The following NTN4 variants were observed in gnomAD, a reference collection of about 807,000 sequenced individuals.
The protein encoded by NTN4 is netrin-4.
Under a neutral mutation model 73.6 loss-of-function variants are expected in NTN4, and 32 were observed. The ratio of observed to expected loss-of-function variants is 0.44; its 90% confidence interval spans 0.33 to 0.58. NTN4 has a LOEUF of 0.58. Among genes scored for constraint, NTN4 ranks in the 20% least tolerant of loss-of-function variants. The probability of loss-of-function intolerance (pLI) is 0.04; values close to 1 mark genes in which losing one functional copy is unlikely to be tolerated. For synonymous variants in NTN4, 258 were observed against 287.5 expected (o/e 0.90, Z 1.04); for missense variants, 654 against 798.3 (o/e 0.82, Z 2.18).
intron 2 of NTN4, among the ~76,000 whole-genome samples, chr12:95,784,617 A>T (rs547530013): frequency 6.6e-6 from 1 of 152,240 alleles, no homozygotes; most frequent in South Asian, 2.1e-4. Context: ...AAATACAAAA[A>T]AAAGCTGGAT....
chr12:95,666,070 A>G, intron 8 of NTN4, 90 bp from the exon 9 acceptor site: 1 of 974,378 alleles, frequency 1.0e-6, no homozygotes, highest in East Asian at 2.6e-5. Context: ...AATATAATGG[A>G]AAGGTGAATT....
At chr12:95,685,147 G>T (rs1218911671) in intron 5 of NTN4, among the ~76,000 whole-genome samples, 1 of 152,094 alleles carries the variant, frequency 6.6e-6, no homozygotes, top group Admixed American at 6.5e-5. Context: ...ATTGATTACA[G>T]GCGTGAGCCA....
At chr12:95,776,671 A>G (rs2079095024) in intron 2 of NTN4, among the ~76,000 whole-genome samples, 1 of 152,216 alleles carries the variant, frequency 6.6e-6, no homozygotes, top group Non-Finnish European at 1.5e-5. Flanking sequence ...TGAAAAGATC[A>G]AATCTACATC....
At chr12:95,677,870 T>C (rs1305135318) in intron 7 of NTN4, among the ~76,000 whole-genome samples, 1 of 152,198 alleles carries the variant, frequency 6.6e-6, no homozygotes, top group African/African-American at 2.4e-5. Flanking sequence ...CATTCTACTA[T>C]AAAGACACCT....
At position 95,790,498 on chromosome 12, in the gene NTN4, G is replaced by A. The variant is rs1187530300; in HGVS notation, c.-189C>T. 1 of 453,854 alleles carries A rather than the reference G, an allele frequency of 2.2e-6. No individual in the cohort carries two copies. Among genetic ancestry groups the A allele is most frequent in the Non-Finnish European group, 3.8e-6 (1 of 261,848 alleles). 28.1% of individuals were successfully genotyped at this position (453,854 alleles called of 1,614,324 possible). On this transcript the variant is annotated 5_prime_UTR_variant, in exon 1 of 10. Coordinates refer to ENST00000343702, the MANE Select transcript of NTN4 (RefSeq NM_021229.4). The surrounding 1 kb of genome is among the most constrained non-coding windows in gnomAD (Gnocchi z 6.5). Reference sequence around the variant, plus strand: ...CCAGGGGCCGGGACCGCGCGGGGAGGTGGGGTGACCCTCGCGCACCGGCCT... The same window carrying A: ...CCAGGGGCCGGGACCGCGCGGGGAGATGGGGTGACCCTCGCGCACCGGCCT...
At chr12:95,774,186 TAAAA>T (rs61303419) in intron 2 of NTN4, among the ~76,000 whole-genome samples, 2 of 148,730 alleles carry the variant, frequency 1.3e-5, no homozygotes, top group Admixed American at 6.7e-5. Flanking sequence ...TTTTTTTTTT[TAAAA>T]AAAAAAGATT....
intron 7 of NTN4, among the ~76,000 whole-genome samples, chr12:95,678,054 G>A (rs2078286883): frequency 6.6e-6 from 1 of 152,170 alleles, no homozygotes; most frequent in African/African-American, 2.4e-5. Context: ...GATGAAGCTG[G>A]AAGCCATCAT....
intron 5 of NTN4, among the ~76,000 whole-genome samples, chr12:95,692,657 G>A (rs934047798): frequency 2.6e-5 from 4 of 152,200 alleles, no homozygotes; most frequent in Non-Finnish European, 5.9e-5. Context: ...TATCTTGTGT[G>A]TGCATAAGGC....
Position 95,665,840 on chromosome 12 carries a change from T to C in NTN4, c.1720A>G (p.Arg574Gly). ...TTGAGGATTGGACAAGTGCATCCTC[T>C]GTCCGTCCATGATTCTGGATATAAT... ...RTLYPESWTD[R>G]GCTCPILNPG... Residue 574 changes from arginine (R) to glycine (G), a missense_variant, in exon 9 of 10, where the codon AGA becomes GGA. Physicochemically the swap from Arg to Gly is moderately radical, Grantham distance 125. Coordinates refer to ENST00000343702, the MANE Select transcript of NTN4 (RefSeq NM_021229.4). 6.2e-7 allele frequency: 1 copy of C among 1,613,966 alleles called. No individual in the cohort carries two copies. Among genetic ancestry groups the C allele is most frequent in the Non-Finnish European group, 8.5e-7 (1 of 1,179,908 alleles).
chr12:95,741,461 A>C (rs868852991), intron 2 of NTN4, among the ~76,000 whole-genome samples: 19 of 121,190 alleles, frequency 1.6e-4, no homozygotes, highest in African/African-American at 6.4e-4. Context: ...ATATATATAT[A>C]TATATATATA....
At chr12:95,683,435 A>G (rs2078334510) in intron 6 of NTN4, 63 bp downstream of exon 6, 14 of 1,466,746 alleles carry the variant, frequency 9.5e-6, no homozygotes, top group African/African-American at 2.8e-5. Context: ...TTTCCAAATC[A>G]CTATAGGTTT....
intron 2 of NTN4, among the ~76,000 whole-genome samples, chr12:95,752,533 T>TCA: frequency 6.6e-6 from 1 of 152,058 alleles, no homozygotes; most frequent in South Asian, 2.1e-4. Flanking sequence ...CCACAAAGCT[T>TCA]CACAGACAGC....
At chr12:95,699,471 C>T (rs2078466655) in intron 5 of NTN4, among the ~76,000 whole-genome samples, 1 of 152,076 alleles carries the variant, frequency 6.6e-6, no homozygotes, top group African/African-American at 2.4e-5. Flanking sequence ...GAGATCAGTG[C>T]AAACGGAAAT....
chr12:95,752,071 G>A (rs1213866219), intron 2 of NTN4, among the ~76,000 whole-genome samples: 3 of 151,518 alleles, frequency 2.0e-5, no homozygotes, highest in South Asian at 2.1e-4. Context: ...TAACCCACAA[G>A]TATAAGATAC....
At chr12:95,783,819 T>A (rs2079148587) in intron 2 of NTN4, among the ~76,000 whole-genome samples, 3 of 152,256 alleles carry the variant, frequency 2.0e-5, no homozygotes, top group Admixed American at 1.3e-4. Context: ...GCAGGTTTAA[T>A]GTCTATTTAA....
At chr12:95,714,191 T>G (rs1455295035) in intron 3 of NTN4, among the ~76,000 whole-genome samples, 1 of 152,160 alleles carries the variant, frequency 6.6e-6, no homozygotes, top group Non-Finnish European at 1.5e-5. Context: ...TTTTTTGTAT[T>G]ATTTCACTGA....
intron 9 of NTN4, among the ~76,000 whole-genome samples, chr12:95,665,133 G>C (rs558226125): frequency 1.3e-5 from 2 of 152,134 alleles, no homozygotes; most frequent in Admixed American, 1.3e-4. Flanking sequence ...AGAGAAATAA[G>C]CAGCTTATAA....
In NTN4 at chr12:95,759,126, C is replaced by T. The variant is rs118006846; in HGVS notation, c.586-20982G>A. The stretch of plus-strand genomic sequence containing the variant: ...CAGCACTGTTGATTAGAAAGACTAA[C>T]GCTTCTTCATTGAATCAGCGTGGTA... On this transcript the variant is annotated intron_variant, in intron 2 of 9. Coordinates refer to ENST00000343702, the MANE Select transcript of NTN4 (RefSeq NM_021229.4). 9.4e-3 allele frequency among the ~76,000 whole-genome samples: 1,425 copies of T among 152,290 alleles called. 9 individuals carry two copies. Among genetic ancestry groups the T allele is most frequent in the Non-Finnish European group, 0.01 (697 of 68,018 alleles).
At position 95,725,835 on chromosome 12, in the gene NTN4, T is replaced by C. The variant is rs116047462; in HGVS notation, c.864+12031A>G. ...GGTGGAATACTGGTTTATTAAAAAG[T>C]TACGCTTGTTTAGAAACTCTATCAG... On this transcript the variant is annotated intron_variant, in intron 3 of 9. Transcript: ENST00000343702. Among the ~76,000 whole-genome samples the C allele has an allele frequency of 9.4e-3, 1,430 of 152,272 alleles. 28 individuals are homozygous for C. Among genetic ancestry groups the C allele is most frequent in the African/African-American group, 0.032 (1,341 of 41,536 alleles).
Sources: gnomAD v4.1 joint callset for allele counts (sites outside exome capture counted in the v4.1 genomes callset) on GRCh38, gnomAD v4.1.1 for gene constraint, Gnocchi (gnomAD v3.1) non-coding constraint, MANE v1.5 for transcripts, NCBI Gene and HGNC (gene_info 2026-07-23, HGNC 2026-07-21) for gene names.